TNFSF4: variants seen among roughly 807,000 people sequenced by gnomAD.
TNFSF4 encodes the protein TNF superfamily member 4.
TNFSF4 carries 4 observed loss-of-function variants against 7.3 expected under a neutral mutation model. The ratio of observed to expected loss-of-function variants is 0.55; its 90% CI spans 0.27 to 1.25. The LOEUF (loss-of-function observed/expected upper bound fraction) is 1.25, where lower values mean the gene tolerates loss of function less well. Among genes scored for constraint, TNFSF4 ranks in the 50% most tolerant of loss-of-function variants. The probability of loss-of-function intolerance (pLI) is 0.12; values close to 1 mark genes in which losing one functional copy is unlikely to be tolerated. For synonymous variants in TNFSF4, 76 were observed against 83.7 expected, an observed-to-expected ratio of 0.91 and a Z score of 0.50; for missense variants, 181 against 208.8, an observed-to-expected ratio of 0.87 and a Z score of 0.82.
chr1:173,364,215 A>T, the TNFSF4 span, among the ~76,000 whole-genome samples: 1 of 121,886 alleles, frequency 8.2e-6, no homozygotes, highest in Admixed American at 9.2e-5. Flanking sequence ...GCATTTCTTA[A>T]GAAGACTAGG....
chr1:173,311,492 C>T, the TNFSF4 span, among the ~76,000 whole-genome samples: 1 of 151,992 alleles, frequency 6.6e-6, no homozygotes, highest in Non-Finnish European at 1.5e-5. Context: ...GGACCCCTCT[C>T]CTTCACCAGG....
At chr1:173,319,745 A>C in the TNFSF4 span, among the ~76,000 whole-genome samples, 5 of 152,208 alleles carry the variant, frequency 3.3e-5, no homozygotes, top group African/African-American at 9.6e-5. Context: ...AACAAACTGA[A>C]GCAGACCTGC....
At chr1:173,292,151 C>T in the TNFSF4 span, among the ~76,000 whole-genome samples, 3 of 152,186 alleles carry the variant, frequency 2.0e-5, no homozygotes, top group African/African-American at 7.2e-5. Context: ...CCAGCATCAG[C>T]CTGATACCAA....
the TNFSF4 span, among the ~76,000 whole-genome samples, chr1:173,447,435 G>A: frequency 6.6e-6 from 1 of 152,136 alleles, no homozygotes; most frequent in Admixed American, 6.6e-5. Flanking sequence ...CGTAACAAAG[G>A]TACCACTCTG....
the TNFSF4 span, among the ~76,000 whole-genome samples, chr1:173,381,680 T>C: frequency 2.6e-5 from 4 of 152,242 alleles, no homozygotes; most frequent in Admixed American, 2.0e-4. Context: ...TTCACCCCTA[T>C]CCAGCAGGAA....
At chr1:173,203,374 T>C (rs551806110) in intron 1 of TNFSF4, among the ~76,000 whole-genome samples, 8 of 152,244 alleles carry the variant, frequency 5.3e-5, no homozygotes, top group African/African-American at 1.9e-4. Flanking sequence ...CAGATGTTAA[T>C]TTTTTAATTC....
the TNFSF4 span, among the ~76,000 whole-genome samples, chr1:173,386,634 A>G: frequency 6.6e-6 from 1 of 152,178 alleles, no homozygotes; most frequent in African/African-American, 2.4e-5. Flanking sequence ...TAGTGGGATC[A>G]GGGCTGCCCT....
chr1:173,358,229 A>T, the TNFSF4 span, among the ~76,000 whole-genome samples: 1 of 152,150 alleles, frequency 6.6e-6, no homozygotes, highest in South Asian at 2.1e-4. Context: ...AAGGAAATAG[A>T]TTCTCCCCTA....
chr1:173,434,452 C>G, the TNFSF4 span, among the ~76,000 whole-genome samples: 1 of 152,352 alleles, frequency 6.6e-6, no homozygotes, highest in African/African-American at 2.4e-5. Context: ...GTTAACCTTT[C>G]ACCTTTTTCA....
At chr1:173,309,373 G>T in the TNFSF4 span, among the ~76,000 whole-genome samples, 1 of 151,782 alleles carries the variant, frequency 6.6e-6, no homozygotes, top group East Asian at 1.9e-4. Flanking sequence ...TTTTAAAAAA[G>T]TAAGAAATAT....
At chr1:173,316,374 G>A in the TNFSF4 span, among the ~76,000 whole-genome samples, 1 of 152,058 alleles carries the variant, frequency 6.6e-6, no homozygotes. Context: ...TAGATGGGAT[G>A]AAAAGATTGT....
chr1:173,356,909 T>C, the TNFSF4 span, among the ~76,000 whole-genome samples: 2 of 152,206 alleles, frequency 1.3e-5, no homozygotes, highest in South Asian at 2.1e-4. Flanking sequence ...AGTACCTGCA[T>C]TGCCATGGGT....
At chr1:173,248,157 C>G in the TNFSF4 span, among the ~76,000 whole-genome samples, 1 of 151,944 alleles carries the variant, frequency 6.6e-6, no homozygotes, top group South Asian at 2.1e-4. Context: ...AGATTGAGAC[C>G]ATCCTGGCTA....
At position 173,186,149 on chromosome 1, in the gene TNFSF4, G is replaced by T. The variant is rs1040991376; in HGVS notation, c.*367C>A. ...CATGTCAAATTTCCAGCAAATGGTA[G>T]TCAGGTACCGTTTTCAATGACATAA... On this transcript the variant is annotated 3_prime_UTR_variant, in exon 3 of 3. Coordinates refer to ENST00000281834, the MANE Select transcript of TNFSF4 (RefSeq NM_003326.5). 1 of 181,964 alleles carries T rather than the reference G, an allele frequency of 5.5e-6. No homozygotes were observed. Among genetic ancestry groups the T allele is most frequent in the African/African-American group, 2.4e-5 (1 of 42,224 alleles). 11.3% of individuals were successfully genotyped at this position (181,964 alleles called of 1,614,324 possible). A position where few individuals can be genotyped will look rare whatever the true frequency, so the allele number is the denominator to read the frequency against.
the TNFSF4 span, among the ~76,000 whole-genome samples, chr1:173,413,255 A>G: frequency 6.6e-6 from 1 of 152,230 alleles, no homozygotes; most frequent in East Asian, 1.9e-4. Flanking sequence ...AGAGATGCAG[A>G]GTAACCAGCC....
rs1649194891 is a variant in TNFSF4 at position 173,185,765 on chromosome 1, C to T, written c.*751G>A. ...TAAGTTATCTCACTCTCCCTGTATA[C>T]AAGAAAATCTCTCTTAAGTCACTGA... is the stretch of plus-strand genomic sequence containing the variant. On this transcript the variant is annotated 3_prime_UTR_variant, in exon 3 of 3. Transcript: ENST00000281834. 1 of 152,194 alleles carries T rather than the reference C, an allele frequency of 6.6e-6. No homozygotes were observed. The allele number at this position is 152,194 out of a possible 1,614,324, so 9.4% of individuals were successfully genotyped here.
the TNFSF4 span, among the ~76,000 whole-genome samples, chr1:173,326,604 A>G: frequency 6.6e-6 from 1 of 152,194 alleles, no homozygotes; most frequent in Admixed American, 6.5e-5. Flanking sequence ...ACATGATTGT[A>G]TATCTAGAAA....
the TNFSF4 span, among the ~76,000 whole-genome samples, chr1:173,442,419 C>T: frequency 6.6e-6 from 1 of 152,102 alleles, no homozygotes; most frequent in Non-Finnish European, 1.5e-5. Flanking sequence ...TCCCACATAC[C>T]TAAGAATTTC....
chr1:173,406,755 T>C, the TNFSF4 span, among the ~76,000 whole-genome samples: 1 of 152,204 alleles, frequency 6.6e-6, no homozygotes, highest in Non-Finnish European at 1.5e-5. Flanking sequence ...TCTTCCTGCC[T>C]CCTGTCCTGA....
Sources: gnomAD v4.1 joint callset for allele counts (sites outside exome capture counted in the v4.1 genomes callset) on GRCh38, gnomAD v4.1.1 for gene constraint, MANE v1.5 for transcripts, NCBI Gene and HGNC (gene_info 2026-07-23, HGNC 2026-07-21) for gene names.